Variants in IRAK3 observed in about 807,000 individuals in gnomAD.
IRAK3 encodes the protein interleukin-1 receptor-associated kinase 3.
IRAK3 carries 57 observed loss-of-function variants against 56.6 expected under a neutral mutation model. The observed-to-expected ratio is 1.01, with a 90% CI of 0.81 to 1.26. IRAK3 has a LOEUF of 1.26. Among genes scored for constraint, IRAK3 ranks in the 50% most tolerant of loss-of-function variants. IRAK3 has a pLI of 0.00. For synonymous variants in IRAK3, 258 were observed against 255.7 expected, an observed-to-expected ratio of 1.01 and a Z score of -0.09; for missense variants, 703 against 719.0, an observed-to-expected ratio of 0.98 and a Z score of 0.25.
intron 8 of IRAK3, among the ~76,000 whole-genome samples, chr12:66,236,291 A>G (rs1345336357): frequency 6.6e-6 from 1 of 151,466 alleles, no homozygotes; most frequent in Non-Finnish European, 1.5e-5. Flanking sequence ...GCTCACACCT[A>G]TAATCCTAGC....
At chr12:66,197,065 A>G (rs375455493) in intron 1 of IRAK3, 18 of 1,424,138 alleles carry the variant, frequency 1.3e-5, no homozygotes, top group Middle Eastern at 3.6e-4. Context: ...TGCACTCTCA[A>G]AACAGCCTTC....
At chr12:66,189,952 A>G (rs1185855706) in intron 1 of IRAK3, among the ~76,000 whole-genome samples, 1 of 152,186 alleles carries the variant, frequency 6.6e-6, no homozygotes, top group Non-Finnish European at 1.5e-5. Flanking sequence ...TTATTTACCC[A>G]ATTTCGTTGA....
intron 1 of IRAK3, chr12:66,198,079 T>C (rs2052472013): frequency 1.0e-6 from 1 of 985,284 alleles, no homozygotes; most frequent in Non-Finnish European, 1.2e-6. Context: ...CCTTTTTATG[T>C]ATAAATATTT....
At chr12:66,234,080 T>A (rs141561682) in intron 8 of IRAK3, 30,365 of 1,613,892 alleles carry the variant, frequency 0.019, 368 homozygotes, top group Middle Eastern at 0.037. Context: ...CAGTTACTTA[T>A]TAGGTTGAAA....
At chr12:66,190,257 T>A (rs1490262894) in intron 1 of IRAK3, among the ~76,000 whole-genome samples, 1 of 152,210 alleles carries the variant, frequency 6.6e-6, no homozygotes, top group African/African-American at 2.4e-5. Flanking sequence ...GCAGAAGGCC[T>A]AAGAGGAGAG....
chr12:66,243,915 A>G (rs1432597477), intron 8 of IRAK3, among the ~76,000 whole-genome samples: 1 of 152,194 alleles, frequency 6.6e-6, no homozygotes, highest in Non-Finnish European at 1.5e-5. Context: ...TATATTGACT[A>G]TAAGCACTTT....
chr12:66,216,340 T>G (rs1188951688), intron 5 of IRAK3, among the ~76,000 whole-genome samples: 1 of 152,194 alleles, frequency 6.6e-6, no homozygotes, highest in Non-Finnish European at 1.5e-5. Context: ...TTTAGCCTGA[T>G]TTATTGTTTC....
At chr12:66,243,194 T>C (rs2052990227) in intron 8 of IRAK3, among the ~76,000 whole-genome samples, 1 of 152,160 alleles carries the variant, frequency 6.6e-6, no homozygotes, top group East Asian at 1.9e-4. Flanking sequence ...CCAAACTCTC[T>C]AAATAGAAGT....
intron 6 of IRAK3, among the ~76,000 whole-genome samples, chr12:66,225,457 C>T (rs1279078982): frequency 3.3e-5 from 5 of 151,756 alleles, no homozygotes; most frequent in African/African-American, 7.3e-5. Flanking sequence ...TCCCCCGCCA[C>T]GTACACACAA....
intron 5 of IRAK3, among the ~76,000 whole-genome samples, chr12:66,215,687 C>G (rs867590622): frequency 6.6e-6 from 1 of 152,076 alleles, no homozygotes; most frequent in Non-Finnish European, 1.5e-5. Flanking sequence ...GTCTTACTGT[C>G]TCTACATACA....
chr12:66,233,159 A>G (rs555006920), intron 8 of IRAK3, among the ~76,000 whole-genome samples: 28 of 152,310 alleles, frequency 1.8e-4, no homozygotes, highest in Non-Finnish European at 3.4e-4. Context: ...TGAAACAGCT[A>G]CAGCATCAAA....
chr12:66,215,160 C>T (rs1565803747), intron 5 of IRAK3, among the ~76,000 whole-genome samples: 1 of 152,148 alleles, frequency 6.6e-6, no homozygotes. Flanking sequence ...GGTGGCCAAG[C>T]TAAAGCCTGT....
chr12:66,204,778 GCACACACACACACACACACA>G (rs59511601), intron 2 of IRAK3, among the ~76,000 whole-genome samples: 2 of 147,812 alleles, frequency 1.4e-5, no homozygotes, highest in African/African-American at 4.9e-5. Context: ...GAGCCCTTGC[GCACACACACACACACACACA>G]CACACACACA....
intron 8 of IRAK3, among the ~76,000 whole-genome samples, chr12:66,230,302 A>G (rs750611411): frequency 1.3e-5 from 2 of 152,220 alleles, no homozygotes; most frequent in East Asian, 3.8e-4. Context: ...ATTTACCTGC[A>G]GGAGGTTTTT....
chr12:66,227,761 CAAA>C (rs34349535), intron 7 of IRAK3, among the ~76,000 whole-genome samples: 37 of 107,838 alleles, frequency 3.4e-4, no homozygotes, highest in Non-Finnish European at 2.8e-4. Context: ...GACCTTGTCT[CAAA>C]AAAAAAAAAA....
At chr12:66,190,159 A>G (rs778020891) in intron 1 of IRAK3, among the ~76,000 whole-genome samples, 1 of 152,172 alleles carries the variant, frequency 6.6e-6, no homozygotes, top group Non-Finnish European at 1.5e-5. Context: ...CCACAATGTC[A>G]TGTTTAATGT....
At position 66,253,893 on chromosome 12, in the gene IRAK3, C is replaced by A. The variant is rs534691371; in HGVS notation, c.*5722C>A. On this transcript the variant is annotated 3_prime_UTR_variant, in exon 12 of 12. Transcript: ENST00000261233. ...CTACTGATGGAATGAGAATACAAAC[C>A]AAAAACACTTTATTCAAGTCCAGGA... 2.0e-5 allele frequency: 3 copies of A among 152,172 alleles called. No homozygotes were observed. Among genetic ancestry groups the A allele is most frequent in the South Asian group, 2.1e-4 (1 of 4,830 alleles). The allele number at this position is 152,172 out of a possible 1,614,324, so 9.4% of individuals were successfully genotyped here. A position where few individuals can be genotyped will look rare whatever the true frequency, so the allele number is the denominator to read the frequency against.
chr12:66,238,646 T>C (rs1359853923), intron 8 of IRAK3, among the ~76,000 whole-genome samples: 2 of 152,130 alleles, frequency 1.3e-5, no homozygotes, highest in Admixed American at 1.3e-4. Context: ...GCAAGAGGCA[T>C]TGAAGAGGAG....
intron 1 of IRAK3, chr12:66,197,161 G>T (rs2052462464): frequency 7.8e-7 from 1 of 1,280,262 alleles, no homozygotes; most frequent in Non-Finnish European, 9.9e-7. Context: ...ACAAAGATTT[G>T]TGTTCCAAAA....
Sources: gnomAD v4.1 joint callset for allele counts (sites outside exome capture counted in the v4.1 genomes callset) on GRCh38, gnomAD v4.1.1 for gene constraint, MANE v1.5 for transcripts, NCBI Gene and HGNC (gene_info 2026-07-23, HGNC 2026-07-21) for gene names.